Variants in SPOP observed in about 807,000 individuals in gnomAD.
SPOP encodes the protein speckle-type POZ protein.
A neutral mutation model predicts 45.6 loss-of-function variants in SPOP; 11 were observed. The ratio of observed to expected loss-of-function variants is 0.24; its 90% CI spans 0.15 to 0.40. The LOEUF is 0.40. SPOP is among the 10% of genes least tolerant of loss of function. SPOP has a pLI of 1.00. For synonymous variants in SPOP, 166 were observed against 166.3 expected, an observed-to-expected ratio of 1.00 and a Z score of 0.01; for missense variants, 152 against 465.6, an observed-to-expected ratio of 0.33 and a Z score of 6.20.
rs1209302381 is a variant in SPOP, at chr17:49,670,461, A to C, written c.-67+7472T>G. 5.3e-5 allele frequency among the ~76,000 whole-genome samples: 8 copies of C among 152,368 alleles called. No individual in the cohort carries two copies. In the East Asian group the frequency reaches 1.5e-3, roughly 29 times the overall value. On this transcript the variant is annotated intron_variant, in intron 1 of 9. Transcript: ENST00000504102. ...CTTGTAAATATGACAAAATGGTAAA[A>C]AGAAACTGAAATATGAATTTCAGAT... is the stretch of plus-strand genomic sequence containing the variant.
intron 1 of SPOP, among the ~76,000 whole-genome samples, chr17:49,662,013 CAAAAAAAAAAAAA>C (rs11307294): frequency 2.0e-4 from 18 of 90,048 alleles, no homozygotes; most frequent in Admixed American, 7.3e-4. Flanking sequence ...AACTCCGTCT[CAAAAAAAAAAAAA>C]AAAAAAAAAA....
chr17:49,604,983 T>A (rs1162705440), intron 8 of SPOP, among the ~76,000 whole-genome samples: 4 of 152,358 alleles, frequency 2.6e-5, no homozygotes, highest in Admixed American at 6.5e-5. Flanking sequence ...TTCTGAGAAA[T>A]CCTGCAGTAA....
At chr17:49,647,562 C>A (rs987744205) in intron 1 of SPOP, among the ~76,000 whole-genome samples, 1 of 151,958 alleles carries the variant, frequency 6.6e-6, no homozygotes, top group Non-Finnish European at 1.5e-5. Context: ...CTCACTGCAA[C>A]CTCCACCTCC....
chr17:49,643,757 C>T (rs1028265994), intron 1 of SPOP, among the ~76,000 whole-genome samples: 10 of 151,528 alleles, frequency 6.6e-5, no homozygotes, highest in Admixed American at 1.3e-4. Flanking sequence ...ATGGTGAAAC[C>T]GCATCTCTAC....
At chr17:49,630,448 A>AATAT (rs1426806677) in intron 1 of SPOP, among the ~76,000 whole-genome samples, 1 of 152,132 alleles carries the variant, frequency 6.6e-6, no homozygotes, top group Non-Finnish European at 1.5e-5. Context: ...CAAAATACTA[A>AATAT]ATATACTTAA....
At chr17:49,622,321 A>G in intron 2 of SPOP, 1 of 594,906 alleles carries the variant, frequency 1.7e-6, no homozygotes, top group Non-Finnish European at 3.1e-6. Context: ...GGAAAAACAG[A>G]AACAAAAAAC....
chr17:49,676,826 T>C (rs988885258), intron 1 of SPOP, among the ~76,000 whole-genome samples: 2 of 152,256 alleles, frequency 1.3e-5, no homozygotes, highest in African/African-American at 2.4e-5. Flanking sequence ...CCTAGATCAC[T>C]GAAATACTAT....
chr17:49,620,036 G>A lies in SPOP; in HGVS notation c.201-651C>T, dbSNP rs181653012. On this transcript the variant is annotated intron_variant, in intron 3 of 9. Coordinates refer to ENST00000504102, the MANE Select transcript of SPOP (RefSeq NM_001007228.2). ...AAGAAAAAAACTAGTTGGGCGTGGT[G>A]GCAGGCGCCTGTAATCCCAGCTACT... Among the ~76,000 whole-genome samples the A allele has an allele frequency of 1.7e-3, 263 of 152,218 alleles. 1 individual carries two copies. Among genetic ancestry groups the A allele is most frequent in the Non-Finnish European group, 7.5e-4 (51 of 68,002 alleles).
Position 49,641,149 on chromosome 17 carries a change from G to C in SPOP, c.-66-18273C>G, listed in dbSNP as rs141669222. Among the ~76,000 whole-genome samples the C allele has an allele frequency of 1.3e-4, 19 of 150,900 alleles. No individual in the cohort carries two copies. In the East Asian group the frequency reaches 3.7e-3, roughly 29 times the overall value. On this transcript the variant is annotated intron_variant, in intron 1 of 9. Coordinates refer to ENST00000504102, the MANE Select transcript of SPOP (RefSeq NM_001007228.2). ...GTGGTGGCACACACCTGTAGTCCCA[G>C]CTACTCAGGAGGCTGAGGCAGGAGA...
At chr17:49,624,331 G>GCGCACACACACACACACA (rs71352523) in intron 1 of SPOP, among the ~76,000 whole-genome samples, 3 of 149,224 alleles carry the variant, frequency 2.0e-5, no homozygotes, top group Non-Finnish European at 3.0e-5. Flanking sequence ...GCGCGCGCGC[G>GCGCACACACACACACACA]CACACACACA....
chr17:49,666,328 G>A (rs1356626045), intron 1 of SPOP, among the ~76,000 whole-genome samples: 4 of 151,622 alleles, frequency 2.6e-5, no homozygotes, highest in South Asian at 2.1e-4. Flanking sequence ...AGGAAACATC[G>A]AAATAAACTC....
rs8068851 is a variant in SPOP at position 49,635,658 on chromosome 17, G to A, written c.-66-12782C>T. Among the ~76,000 whole-genome samples the A allele has an allele frequency of 2.1e-4, 27 of 128,754 alleles. No individual in the cohort carries two copies. The East Asian group carries it at 5.0e-3, about 24-fold the overall frequency. 84.5% of individuals were successfully genotyped at this position (128,754 alleles called of 152,430 possible). Reference sequence around the variant, plus strand: ...TTTTTTTTTTTTTTTTTTTTGAGACGGAGTCTTGTTCTGTTGCCCAGGCTG... The same window carrying A: ...TTTTTTTTTTTTTTTTTTTTGAGACAGAGTCTTGTTCTGTTGCCCAGGCTG... On this transcript the variant is annotated intron_variant, in intron 1 of 9. Transcript: ENST00000504102.
rs1179238560 is a variant in SPOP at position 49,618,229 on chromosome 17, T to C, written c.480+752A>G. Among the ~76,000 whole-genome samples, 2 of 152,188 alleles carry C rather than the reference T, an allele frequency of 1.3e-5. 1 individual carries two copies. The highest frequency in any genetic ancestry group is 2.9e-5 in the Non-Finnish European group (2 of 68,036). On this transcript the variant is annotated intron_variant, in intron 5 of 9. Transcript: ENST00000504102. ...CACTAATGCCCCAGTTGACTGGAGA[T>C]TTTATTCATTTATTACACTGTGAGC...
upstream of SPOP, chr17:49,678,145 C>G (rs2073230640): frequency 2.5e-6 from 1 of 394,788 alleles, no homozygotes; most frequent in African/African-American, 2.1e-5. Context: ...CAGACCCCAC[C>G]CCGCGCGGCC....
intron 1 of SPOP, among the ~76,000 whole-genome samples, chr17:49,626,912 C>T (rs751711324): frequency 1.3e-5 from 2 of 151,986 alleles, no homozygotes; most frequent in Admixed American, 1.3e-4. Flanking sequence ...AGTGCAGTGG[C>T]GATCTTGGCT....
chr17:49,654,332 A>C (rs2072879846), intron 1 of SPOP, among the ~76,000 whole-genome samples: 1 of 152,164 alleles, frequency 6.6e-6, no homozygotes, highest in Non-Finnish European at 1.5e-5. Context: ...GACTCAAGTG[A>C]TCCTCCTACC....
rs2072433470 is a variant in SPOP at position 49,630,610 on chromosome 17, T to TC, written c.-66-7735_-66-7734insG. 2.6e-5 allele frequency among the ~76,000 whole-genome samples: 4 copies of TC among 151,946 alleles called. No homozygotes were observed. In the South Asian group the frequency reaches 8.4e-4, roughly 32 times the overall value. On this transcript the variant is annotated intron_variant, in intron 1 of 9. Transcript: ENST00000504102. ...AAGATGCCTGTTTTTTTGTTTTCTT[T>TC]AAATTTTTTTTAAAAAAAATTTGTA... is the stretch of plus-strand genomic sequence containing the variant.
chr17:49,628,899 T>A (rs2143352460), intron 1 of SPOP, among the ~76,000 whole-genome samples: 1 of 152,256 alleles, frequency 6.6e-6, no homozygotes, highest in Middle Eastern at 3.4e-3. Flanking sequence ...ATTCTATATA[T>A]CCCTTATCAC....
chr17:49,669,901 G>A (rs745681013), intron 1 of SPOP, among the ~76,000 whole-genome samples: 1 of 151,846 alleles, frequency 6.6e-6, no homozygotes, highest in Non-Finnish European at 1.5e-5. Context: ...TCAATTTGAG[G>A]AGATGAATGA....
Sources: gnomAD v4.1 joint callset for allele counts (sites outside exome capture counted in the v4.1 genomes callset) on GRCh38, gnomAD v4.1.1 for gene constraint, MANE v1.5 for transcripts, NCBI Gene and HGNC (gene_info 2026-07-23, HGNC 2026-07-21) for gene names.